The following BSN variants were observed in gnomAD, a reference collection of about 807,000 sequenced individuals.
BSN encodes protein bassoon.
In BSN, 57 loss-of-function variants were observed where a neutral mutation model predicts 264.8. That is an observed-to-expected ratio of 0.22 (90% CI 0.17 to 0.27). BSN has a LOEUF of 0.27. Among genes scored for constraint, BSN ranks in the 10% least tolerant of loss-of-function variants. BSN has a pLI of 1.00. For synonymous variants in BSN, 2,059 were observed against 2,137.3 expected (o/e 0.96, Z 1.01); for missense variants, 4,615 against 5,232.5 (o/e 0.88, Z 3.64).
intron 1 of BSN, among the ~76,000 whole-genome samples, chr3:49,580,204 C>T (rs2051885183): frequency 6.6e-6 from 1 of 152,252 alleles, no homozygotes; most frequent in East Asian, 1.9e-4. Context: ...CCTTATTCCC[C>T]TGAGTAGCTG....
intron 1 of BSN, among the ~76,000 whole-genome samples, chr3:49,613,498 TATTA>T (rs1559605510): frequency 6.6e-6 from 1 of 150,818 alleles, no homozygotes; most frequent in African/African-American, 2.4e-5. Flanking sequence ...TTATTATTAT[TATTA>T]TTTTTTTTTG....
In BSN at chr3:49,638,040, A is replaced by G. The variant is rs949680798; in HGVS notation, c.634-4228A>G. On this transcript the variant is annotated intron_variant, in intron 2 of 11. Coordinates refer to ENST00000296452, the MANE Select transcript of BSN (RefSeq NM_003458.4). This position sits in a 1 kb window ranked among gnomAD's most constrained non-coding sequence, Gnocchi z 4.3. ...GAGGCTCGTGGCTGGTAGCCTGCACATCTCCTGCCCATGTGCCAGATCAGG... is the reference window on the plus strand; with the variant it reads ...GAGGCTCGTGGCTGGTAGCCTGCACGTCTCCTGCCCATGTGCCAGATCAGG... 6.6e-6 allele frequency among the ~76,000 whole-genome samples: 1 copy of G among 152,246 alleles called. No homozygotes were observed. The highest frequency in any genetic ancestry group is 2.4e-5 in the African/African-American group (1 of 41,466).
chr3:49,602,445 A>T (rs936215833), intron 1 of BSN, among the ~76,000 whole-genome samples: 4 of 139,030 alleles, frequency 2.9e-5, no homozygotes, highest in Non-Finnish European at 6.3e-5. Context: ...CTCTCTTTAA[A>T]TTTTTTTTTT....
chr3:49,645,797 T>G (rs971068272), intron 3 of BSN, among the ~76,000 whole-genome samples: 2 of 152,210 alleles, frequency 1.3e-5, no homozygotes, highest in Non-Finnish European at 2.9e-5. Flanking sequence ...TCTCAGCACT[T>G]GCCAGAGACA....
At position 49,653,289 on chromosome 3, in the gene BSN, G is replaced by A. The variant is rs142148405; in HGVS notation, c.3733G>A (p.Ala1245Thr). The A allele has an allele frequency of 4.5e-5, 72 of 1,612,334 alleles. No individual in the cohort carries two copies. Among genetic ancestry groups the A allele is most frequent in the African/African-American group, 2.1e-4 (16 of 75,014 alleles). ...REYGQAAQPA[A>T]EGTPASLGAA... ...GTATGGCCAGGCTGCTCAGCCTGCC[G>A]CAGAGGGCACGCCAGCCAGCCTGGG... The change falls in exon 5 of 12, where the codon GCA becomes ACA. Residue 1245 changes from alanine (A) to threonine (T), a missense_variant. Around this residue, in one of 3 missense-constraint regions of BSN, gnomAD observed 3,415 missense variants for 3,866.4 expected, o/e 0.88. Coordinates refer to ENST00000296452, the MANE Select transcript of BSN (RefSeq NM_003458.4). This position sits in a 1 kb window ranked among gnomAD's most constrained non-coding sequence, Gnocchi z 6.3.
At chr3:49,644,713 C>A (rs954528728) in intron 3 of BSN, among the ~76,000 whole-genome samples, 1 of 152,180 alleles carries the variant, frequency 6.6e-6, no homozygotes, top group Non-Finnish European at 1.5e-5. Flanking sequence ...TGACACTGAG[C>A]GACTGTGAGC....
downstream of BSN, among the ~76,000 whole-genome samples, chr3:49,672,004 A>G (rs2052776734): frequency 6.9e-6 from 1 of 145,746 alleles, no homozygotes; most frequent in Non-Finnish European, 1.5e-5. Flanking sequence ...TCCTTACCGA[A>G]GTCACCCAGA....
Position 49,651,786 on chromosome 3 carries a change from G to C in BSN, c.2230G>C (p.Glu744Gln), listed in dbSNP as rs780385744. 8.7e-6 allele frequency: 14 copies of C among 1,613,164 alleles called. No individual in the cohort carries two copies. The highest frequency in any genetic ancestry group is 1.7e-4 in the Middle Eastern group (1 of 6,030). The change falls in exon 5 of 12, where the codon GAG becomes CAG. Residue 744 changes from glutamate to glutamine, a missense_variant. Around this residue, in one of 3 missense-constraint regions of BSN, gnomAD observed 1,197 missense variants for 1,348.0 expected, o/e 0.89. Transcript: ENST00000296452. The surrounding 1 kb of genome is among the most constrained non-coding windows in gnomAD (Gnocchi z 5.4). ...LLQAQGLAPSERSKPLSSGTG... is the reference protein window; with the variant it reads ...LLQAQGLAPSQRSKPLSSGTG... Reference sequence around the variant, plus strand: ...GCAGGCCCAGGGCCTGGCCCCAAGTGAGCGGAGCAAGCCACTCTCCAGCGG... The same window carrying C: ...GCAGGCCCAGGGCCTGGCCCCAAGTCAGCGGAGCAAGCCACTCTCCAGCGG...
chr3:49,625,123 C>G lies in BSN; in HGVS notation c.373C>G (p.Pro125Ala). The G allele has an allele frequency of 6.3e-7, 1 of 1,596,970 alleles. No homozygotes were observed. The highest frequency in any genetic ancestry group is 8.5e-7 in the Non-Finnish European group (1 of 1,171,778). ...QGPAGQEADG[P>A]RRTLQVDSRT... is the part of the protein sequence containing the mutation. The stretch of plus-strand genomic sequence containing the variant: ...ACCAGCAGGCCAGGAGGCTGATGGT[C>G]CCCGCAGGACGCTGCAGGTAGACAG... The change falls in exon 2 of 12, where the codon CCC becomes GCC. Residue 125 changes from proline (P) to alanine (A), a missense_variant. Transcript: ENST00000296452. The surrounding 1 kb of genome is among the most constrained non-coding windows in gnomAD (Gnocchi z 4.4).
chr3:49,672,842 C>A (rs575971702), downstream of BSN, among the ~76,000 whole-genome samples: 1 of 127,568 alleles, frequency 7.8e-6, no homozygotes, highest in Non-Finnish European at 1.6e-5. Flanking sequence ...TGCAGTGGCG[C>A]GATCTCGGCT....
At chr3:49,586,992 TTGGGTAGTA>T (rs1347912020) in intron 1 of BSN, among the ~76,000 whole-genome samples, 1 of 152,176 alleles carries the variant, frequency 6.6e-6, no homozygotes, top group Non-Finnish European at 1.5e-5. Flanking sequence ...GTAGATTGCT[TTGGGTAGTA>T]TGGACATTTA....
intron 2 of BSN, among the ~76,000 whole-genome samples, chr3:49,627,659 C>T (rs148114439): frequency 2.9e-4 from 44 of 152,218 alleles, no homozygotes; most frequent in African/African-American, 9.9e-4. Context: ...CTGGGATTGC[C>T]CTGGTGTCTC....
At chr3:49,637,672 A>C (rs2052429314) in intron 2 of BSN, among the ~76,000 whole-genome samples, 1 of 152,180 alleles carries the variant, frequency 6.6e-6, no homozygotes, top group South Asian at 2.1e-4. Flanking sequence ...TCAGGGAGAA[A>C]GTCCTCTCAG....
chr3:49,613,303 C>CGAGAGAGAGAGAGAGAGA (rs752108805), intron 1 of BSN, among the ~76,000 whole-genome samples: 1,233 of 47,322 alleles, frequency 0.026, 327 homozygotes, highest in East Asian at 0.041. Context: ...ACACACAGAG[C>CGAGAGAGAGAGAGAGAGA]GAGAGAGAGA....
Position 49,663,386 on chromosome 3 carries a change from C to T in BSN, c.11228C>T (p.Ala3743Val), listed in dbSNP as rs1412435379. Residue 3743 changes from alanine to valine, a missense_variant, in exon 7 of 12, where the codon GCG becomes GTG. By Grantham distance (64) the Ala-to-Val change is moderately conservative (BLOSUM62 0). Around this residue, in one of 3 missense-constraint regions of BSN, gnomAD observed 3,415 missense variants for 3,866.4 expected, o/e 0.88. Transcript: ENST00000296452. ...AALQSKAEPQ[A>V]QPQLQGRQAA... The stretch of plus-strand genomic sequence containing the variant: ...CTGCAGTCAAAGGCAGAACCCCAGG[C>T]GCAGCCGCAGCTGCAAGGTCGGCAG... 6 of 1,612,848 alleles carry T rather than the reference C, an allele frequency of 3.7e-6. No individual in the cohort carries two copies. The African/African-American group carries it at 5.3e-5, about 14-fold the overall frequency.
Position 49,656,270 on chromosome 3 carries a change from C to T in BSN, c.6714C>T (p.Leu2238=), listed in dbSNP as rs1188218150. The T allele has an allele frequency of 6.2e-7, 1 of 1,612,932 alleles. No homozygotes were observed. The change falls in exon 5 of 12, where the codon CTC becomes CTT. Residue 2238 remains leucine, a synonymous_variant. Transcript: ENST00000296452. The stretch of plus-strand genomic sequence containing the variant: ...CTGGTGGAATCACAGCCGTGCCACT[C>T]ACCAGTCTGACACGTGTGCCCATGA... The part of the protein sequence containing the change: ...YASGGITAVP[L]TSLTRVPMIA...
intron 1 of BSN, among the ~76,000 whole-genome samples, chr3:49,607,622 C>G (rs2052167705): frequency 6.6e-6 from 1 of 152,228 alleles, no homozygotes; most frequent in African/African-American, 2.4e-5. Context: ...ACACTTTTTT[C>G]TCAGGTCTTA....
intron 1 of BSN, among the ~76,000 whole-genome samples, chr3:49,611,249 T>G (rs897260010): frequency 2.0e-5 from 3 of 152,198 alleles, no homozygotes; most frequent in Non-Finnish European, 1.5e-5. Flanking sequence ...CATTGTCCCC[T>G]TGGTAAAAGG....
chr3:49,599,435 T>C (rs2052053569), intron 1 of BSN, among the ~76,000 whole-genome samples: 1 of 152,152 alleles, frequency 6.6e-6, no homozygotes, highest in Non-Finnish European at 1.5e-5. Context: ...TGGGGTGAAA[T>C]TGTAGTCTTA....
Sources: gnomAD v4.1 joint callset for allele counts (sites outside exome capture counted in the v4.1 genomes callset) on GRCh38, gnomAD v4.1.1 for gene constraint, gnomAD v4.1.1 regional missense constraint, Gnocchi (gnomAD v3.1) non-coding constraint, MANE v1.5 for transcripts, NCBI Gene and HGNC (gene_info 2026-07-23, HGNC 2026-07-21) for gene names.